Variants in VIPR2 observed in about 807,000 individuals in gnomAD.
VIPR2 encodes vasoactive intestinal peptide receptor 2.
Under a neutral mutation model 58.0 loss-of-function variants are expected in VIPR2, and 48 were observed. The observed-to-expected ratio is 0.83, with a 90% CI of 0.66 to 1.05. The LOEUF (loss-of-function observed/expected upper bound fraction) is 1.05. VIPR2 is among the 50% of genes least tolerant of loss of function. VIPR2 has a pLI of 0.00. For missense variants in VIPR2, 534 were observed against 558.0 expected (o/e 0.96, Z 0.43); for synonymous variants, 243 against 235.2 (o/e 1.03, Z -0.30).
At chr7:159,070,063 C>T (rs967355519) in intron 4 of VIPR2, among the ~76,000 whole-genome samples, 16 of 152,186 alleles carry the variant, frequency 1.1e-4, no homozygotes, top group Non-Finnish European at 5.9e-5. Context: ...TCCAGGGCTG[C>T]CCACTCAGCA....
chr7:159,058,287 C>T (rs1323826180), intron 5 of VIPR2, among the ~76,000 whole-genome samples, 194 bp downstream of exon 5: 4 of 152,306 alleles, frequency 2.6e-5, no homozygotes, highest in African/African-American at 9.6e-5. Flanking sequence ...TCAGCATTAT[C>T]TCTTTACATA....
At chr7:159,054,330 C>T (rs1379684370) in intron 5 of VIPR2, among the ~76,000 whole-genome samples, 1 of 152,022 alleles carries the variant, frequency 6.6e-6, no homozygotes, top group East Asian at 1.9e-4. Flanking sequence ...CATAAAGAAA[C>T]AAATGGCAAA....
chr7:159,108,806 C>T (rs1795876890), intron 3 of VIPR2, among the ~76,000 whole-genome samples: 1 of 152,232 alleles, frequency 6.6e-6, no homozygotes, highest in South Asian at 2.1e-4. Context: ...GGATGCAGCC[C>T]AAGCTGCTCA....
chr7:159,100,738 G>A (rs977589817), intron 4 of VIPR2, among the ~76,000 whole-genome samples: 7 of 151,798 alleles, frequency 4.6e-5, no homozygotes, highest in African/African-American at 7.3e-5. Flanking sequence ...CCGATGAGGC[G>A]GTTCCGACTG....
chr7:159,049,971 G>C (rs1221592609), intron 5 of VIPR2, among the ~76,000 whole-genome samples: 1 of 152,202 alleles, frequency 6.6e-6, no homozygotes, highest in Admixed American at 6.5e-5. Flanking sequence ...TGCAATTTAA[G>C]TATTTGTAAT....
chr7:159,103,933 C>T (rs2270314), intron 3 of VIPR2, 79 bp from the exon 4 acceptor site: 1 of 1,269,322 alleles, frequency 7.9e-7, no homozygotes, highest in East Asian at 2.4e-5. Context: ...CGTGCTGAGC[C>T]CGTGCTCTAT....
rs182692471 is a variant in VIPR2, at chr7:159,105,166, G to T, written c.260-1312C>A. 7.4e-3 allele frequency among the ~76,000 whole-genome samples: 1,127 copies of T among 152,318 alleles called. 15 individuals carry two copies. The highest frequency in any genetic ancestry group is 0.023 in the African/African-American group (962 of 41,570). ...AGTAAGTGATAAAGCTCTCGAAGGT[G>T]TCCGAGCCGTAAGAATAAAACCAGG... On this transcript the variant is annotated intron_variant, in intron 3 of 12. Transcript: ENST00000262178.
At chr7:159,094,552 C>T (rs1031842779) in intron 4 of VIPR2, among the ~76,000 whole-genome samples, 1 of 152,176 alleles carries the variant, frequency 6.6e-6, no homozygotes, top group African/African-American at 2.4e-5. Flanking sequence ...GGCTGGTTTC[C>T]CAGAGAAGAG....
intron 1 of VIPR2, 150 bp downstream of exon 1, chr7:159,144,571 C>T: frequency 7.0e-7 from 1 of 1,431,046 alleles, no homozygotes; most frequent in Non-Finnish European, 9.3e-7. Context: ...GAGGAAGCTC[C>T]GGACCCCGGG....
chr7:159,067,266 G>T (rs578143027), intron 4 of VIPR2, among the ~76,000 whole-genome samples: 1 of 152,318 alleles, frequency 6.6e-6, no homozygotes, highest in South Asian at 2.1e-4. Context: ...CTCACATAAA[G>T]GGCAGCCAAA....
intron 4 of VIPR2, among the ~76,000 whole-genome samples, chr7:159,100,488 A>G (rs969705345): frequency 6.6e-6 from 1 of 151,910 alleles, no homozygotes; most frequent in African/African-American, 2.4e-5. Context: ...CATGCCAGCC[A>G]GCACCACCTT....
intron 2 of VIPR2, among the ~76,000 whole-genome samples, chr7:159,134,487 A>G (rs1036793158): frequency 3.3e-5 from 5 of 152,180 alleles, no homozygotes; most frequent in Non-Finnish European, 7.4e-5. Flanking sequence ...GAAGAAAATG[A>G]GTAAGAAAAA....
rs189924788 is a variant in VIPR2, at chr7:159,096,142, T to C, written c.357+7615A>G. ...CCCTTAAGGGGAGCAGCAGGGAGGC[T>C]GGACCCTTCCCCAGAGCACAATGCC... is the stretch of plus-strand genomic sequence containing the variant. On this transcript the variant is annotated intron_variant, in intron 4 of 12. Coordinates refer to ENST00000262178, the MANE Select transcript of VIPR2 (RefSeq NM_003382.5). The surrounding 1 kb of genome is among the most constrained non-coding windows in gnomAD (Gnocchi z 5.5). 5.4e-4 allele frequency among the ~76,000 whole-genome samples: 82 copies of C among 152,268 alleles called. No individual in the cohort carries two copies. The highest frequency in any genetic ancestry group is 1.9e-3 in the African/African-American group (79 of 41,564).
intron 2 of VIPR2, among the ~76,000 whole-genome samples, chr7:159,112,450 TTC>T (rs1223286680): frequency 6.6e-6 from 1 of 152,216 alleles, no homozygotes; most frequent in East Asian, 1.9e-4. Flanking sequence ...ACACAGGAGT[TTC>T]TCTCTCAGCT....
intron 2 of VIPR2, chr7:159,117,015 C>A: frequency 2.8e-6 from 1 of 353,222 alleles, no homozygotes; most frequent in Admixed American, 4.3e-5. Context: ...GACATGCTCC[C>A]CCTTATCTAG....
chr7:159,135,004 G>GTTTTTTTTTTTTTTTTTTTTTT lies in VIPR2; in HGVS notation c.151+7420_151+7441dup, dbSNP rs747914292. Reference sequence around the variant, plus strand: ...TATTGGTCTTCTCTTAATTACAAAAGTTTTTTTTTTTTTTTTTTTTTTTTT... The same window carrying GTTTTTTTTTTTTTTTTTTTTTT: ...TATTGGTCTTCTCTTAATTACAAAAGTTTTTTTTTTTTTTTTTTTTTTTTTTTTTTTTTTTTTTTTTTTTTTT... On this transcript the variant is annotated intron_variant, in intron 2 of 12. Coordinates refer to ENST00000262178, the MANE Select transcript of VIPR2 (RefSeq NM_003382.5). 3.9e-4 allele frequency among the ~76,000 whole-genome samples: 26 copies of GTTTTTTTTTTTTTTTTTTTTTT among 65,970 alleles called. 2 individuals are homozygous for GTTTTTTTTTTTTTTTTTTTTTT. The highest frequency in any genetic ancestry group is 5.8e-4 in the South Asian group (1 of 1,730). The allele number at this position is 65,970 out of a possible 152,430, so 43.3% of individuals were successfully genotyped here.
At chr7:159,049,992 A>G (rs749444900) in intron 5 of VIPR2, among the ~76,000 whole-genome samples, 21 of 152,244 alleles carry the variant, frequency 1.4e-4, no homozygotes, top group Non-Finnish European at 2.4e-4. Flanking sequence ...TTCAGTAACA[A>G]TTACTAGGTA....
chr7:159,129,331 A>C (rs28578954), intron 2 of VIPR2, among the ~76,000 whole-genome samples: 17 of 109,346 alleles, frequency 1.6e-4, no homozygotes, highest in Admixed American at 3.5e-4. Context: ...CTCAAACTGG[A>C]CTCTGGTGGG....
chr7:159,086,170 G>A (rs1472830384), intron 4 of VIPR2, among the ~76,000 whole-genome samples: 5 of 152,198 alleles, frequency 3.3e-5, no homozygotes, highest in Non-Finnish European at 5.9e-5. Context: ...CTAAAAAGTC[G>A]ATTAACTTGA....
Sources: allele counts gnomAD v4.1 joint callset (sites outside exome capture counted in the v4.1 genomes callset), GRCh38; gene constraint gnomAD v4.1.1; non-coding constraint Gnocchi (gnomAD v3.1); transcripts MANE v1.5; gene names NCBI Gene and HGNC (gene_info 2026-07-23, HGNC 2026-07-21).